Variants in REDIC1 observed in about 807,000 individuals in gnomAD.
REDIC1 encodes HEI10 Interacting Protein 1.
At chr12:39,759,801 T>G in the REDIC1 span, 2 of 503,726 alleles carry the variant, frequency 4.0e-6, no homozygotes, top group South Asian at 5.4e-5. Context: ...TGCTTAAGAA[T>G]TATTAGATTA....
At chr12:39,674,262 T>C in the REDIC1 span, among the ~76,000 whole-genome samples, 1 of 152,228 alleles carries the variant, frequency 6.6e-6, no homozygotes, top group African/African-American at 2.4e-5. Context: ...TCTTTTATAC[T>C]GTAAATTTCT....
the REDIC1 span, among the ~76,000 whole-genome samples, chr12:39,626,640 A>G: frequency 2.0e-5 from 3 of 152,074 alleles, no homozygotes; most frequent in South Asian, 4.2e-4. Context: ...TCCATGTCCT[A>G]TGCTCTGTTA....
At chr12:39,712,312 ATG>A in the REDIC1 span, among the ~76,000 whole-genome samples, 1 of 47,220 alleles carries the variant, frequency 2.1e-5, no homozygotes, top group Non-Finnish European at 6.3e-5. Context: ...ATACATATAT[ATG>A]TATATATACA....
At chr12:39,711,809 ATG>A in the REDIC1 span, among the ~76,000 whole-genome samples, 3,248 of 75,716 alleles carry the variant, frequency 0.043, 180 homozygotes, top group Non-Finnish European at 0.052. Flanking sequence ...ATGCATGTGT[ATG>A]TGTGTACACA....
chr12:39,871,375 G>A, the REDIC1 span, among the ~76,000 whole-genome samples: 1 of 78,334 alleles, frequency 1.3e-5, no homozygotes, highest in East Asian at 4.5e-4. Flanking sequence ...ACTGCTGAAA[G>A]AGCTTTGAAA....
the REDIC1 span, chr12:39,684,181 G>A: frequency 3.7e-5 from 38 of 1,036,776 alleles, no homozygotes; most frequent in Non-Finnish European, 4.3e-5. Context: ...ATGTGTTGAT[G>A]TTAAATTTAT....
At chr12:39,867,400 T>C in the REDIC1 span, among the ~76,000 whole-genome samples, 1 of 152,160 alleles carries the variant, frequency 6.6e-6, no homozygotes, top group South Asian at 2.1e-4. Flanking sequence ...CAAATAAATA[T>C]TGGTTGAATG....
At chr12:39,707,211 A>C in the REDIC1 span, among the ~76,000 whole-genome samples, 1 of 151,980 alleles carries the variant, frequency 6.6e-6, no homozygotes, top group Non-Finnish European at 1.5e-5. Context: ...ATTTGAATAG[A>C]CATTTCTCAA....
chr12:39,810,547 C>T, the REDIC1 span, among the ~76,000 whole-genome samples: 1 of 152,050 alleles, frequency 6.6e-6, no homozygotes, highest in Non-Finnish European at 1.5e-5. Context: ...GACATTCTCA[C>T]CTAGTTTTCA....
At chr12:39,756,837 T>C in the REDIC1 span, 2 of 151,848 alleles carry the variant, frequency 1.3e-5, no homozygotes, top group Non-Finnish European at 1.5e-5. Context: ...GACTCTTATG[T>C]ACTAAAATCA....
At chr12:39,809,207 T>A in the REDIC1 span, among the ~76,000 whole-genome samples, 1 of 152,206 alleles carries the variant, frequency 6.6e-6, no homozygotes, top group Non-Finnish European at 1.5e-5. Context: ...GTTTTTTTAT[T>A]GAAAATCAAT....
At chr12:39,797,327 C>G in the REDIC1 span, among the ~76,000 whole-genome samples, 12 of 152,270 alleles carry the variant, frequency 7.9e-5, no homozygotes, top group East Asian at 2.3e-3. Flanking sequence ...ATACACTGAA[C>G]TTATTTTGGA....
At chr12:39,758,381 A>T in the REDIC1 span, 1 of 151,838 alleles carries the variant, frequency 6.6e-6, no homozygotes, top group African/African-American at 2.4e-5. Flanking sequence ...TATCTTGGAG[A>T]CTGGAAGAAA....
chr12:39,716,905 TACC>T, the REDIC1 span: 2 of 1,115,032 alleles, frequency 1.8e-6, no homozygotes, highest in Non-Finnish European at 2.5e-6. Flanking sequence ...TCTCATAGTT[TACC>T]TTTACCCTAT....
At chr12:39,714,167 G>C in the REDIC1 span, among the ~76,000 whole-genome samples, 29 of 139,824 alleles carry the variant, frequency 2.1e-4, no homozygotes, top group Non-Finnish European at 2.1e-4. Context: ...GCATATATGC[G>C]TATATGTATA....
chr12:39,685,502 G>C, the REDIC1 span, among the ~76,000 whole-genome samples: 13 of 152,236 alleles, frequency 8.5e-5, no homozygotes, highest in Middle Eastern at 6.8e-3. Context: ...GAGGGATGGT[G>C]CTAAACCACT....
the REDIC1 span, chr12:39,682,631 T>G: frequency 6.3e-7 from 1 of 1,582,636 alleles, no homozygotes; most frequent in African/African-American, 1.4e-5. Context: ...AGGAATTTAC[T>G]TACTAAAAGC....
the REDIC1 span, chr12:39,682,858 G>A: frequency 6.2e-6 from 10 of 1,612,246 alleles, no homozygotes; most frequent in South Asian, 9.9e-5. Context: ...AAACATAGAT[G>A]AGCAAAGGAT....
At chr12:39,670,375 C>T in the REDIC1 span, among the ~76,000 whole-genome samples, 1 of 152,090 alleles carries the variant, frequency 6.6e-6, no homozygotes, top group South Asian at 2.1e-4. Flanking sequence ...ATTTTTAGTT[C>T]CGATGGATTT....
Sources: gnomAD v4.1 joint callset for allele counts (sites outside exome capture counted in the v4.1 genomes callset) on GRCh38, gnomAD v4.1.1 for gene constraint, MANE v1.5 for transcripts, NCBI Gene and HGNC (gene_info 2026-07-23, HGNC 2026-07-21) for gene names.